SLC4A4: variants seen among roughly 807,000 people sequenced by gnomAD.
SLC4A4 encodes the protein solute carrier family 4 member 4.
SLC4A4 carries 27 observed loss-of-function variants against 111.5 expected under a neutral mutation model. That is an observed-to-expected ratio of 0.24 (90% CI 0.18 to 0.33). SLC4A4 has a LOEUF of 0.33. SLC4A4 is among the 10% of genes least tolerant of loss of function. The pLI is 1.00. For missense variants in SLC4A4, 909 were observed against 1,315.5 expected, an observed-to-expected ratio of 0.69 and a Z score of 4.78; for synonymous variants, 443 against 463.4, an observed-to-expected ratio of 0.96 and a Z score of 0.57.
chr4:71,186,860 T>C (rs1745471240), upstream of SLC4A4: 2 of 152,118 alleles, frequency 1.3e-5, no homozygotes, highest in Admixed American at 6.5e-5. Context: ...GCAGTGTTAG[T>C]TACTAGCAGG....
intron 8 of SLC4A4, among the ~76,000 whole-genome samples, 189 bp from the exon 9 acceptor site, chr4:71,447,457 A>G (rs1725339551): frequency 1.3e-5 from 2 of 152,236 alleles, no homozygotes. Flanking sequence ...AATAAACTGA[A>G]CAATGAACTG....
chr4:71,561,989 T>C (rs1737018341), intron 23 of SLC4A4, among the ~76,000 whole-genome samples: 1 of 151,774 alleles, frequency 6.6e-6, no homozygotes, highest in Non-Finnish European at 1.5e-5. Flanking sequence ...ATATCAGCTT[T>C]GGAGAATGTT....
chr4:71,221,376 A>T (rs1327631689), intron 1 of SLC4A4, among the ~76,000 whole-genome samples: 1 of 152,226 alleles, frequency 6.6e-6, no homozygotes, highest in Admixed American at 6.5e-5. Context: ...CTGTTTGTAC[A>T]AACAAGTGGC....
chr4:71,416,886 G>A (rs1210382358), intron 7 of SLC4A4, among the ~76,000 whole-genome samples: 5 of 152,132 alleles, frequency 3.3e-5, no homozygotes, highest in African/African-American at 9.7e-5. Context: ...AGAAATCCCG[G>A]ACAAGGGTAG....
intron 18 of SLC4A4, among the ~76,000 whole-genome samples, chr4:71,537,460 GAGAA>G (rs1256154400): frequency 2.0e-5 from 3 of 150,170 alleles, no homozygotes; most frequent in Non-Finnish European, 3.0e-5. Context: ...TAGAGAGAGA[GAGAA>G]AGAGAGAGAG....
intron 16 of SLC4A4, among the ~76,000 whole-genome samples, chr4:71,528,136 A>T (rs182114567): frequency 6.6e-6 from 1 of 152,212 alleles, no homozygotes; most frequent in African/African-American, 2.4e-5. Flanking sequence ...TTGAAAAATT[A>T]TATTGGATAA....
At chr4:71,193,764 T>C (rs769806782) in intron 1 of SLC4A4, among the ~76,000 whole-genome samples, 1 of 152,210 alleles carries the variant, frequency 6.6e-6, no homozygotes, top group African/African-American at 2.4e-5. Context: ...GCTCCTGAAG[T>C]TTTTATCCAG....
At chr4:71,549,131 C>A (rs898776317) in intron 20 of SLC4A4, among the ~76,000 whole-genome samples, 1 of 151,804 alleles carries the variant, frequency 6.6e-6, no homozygotes, top group Non-Finnish European at 1.5e-5. Flanking sequence ...GAGTACAGAG[C>A]TTATGTTCTG....
At chr4:71,419,728 C>T (rs186608488) in intron 7 of SLC4A4, among the ~76,000 whole-genome samples, 10 of 152,324 alleles carry the variant, frequency 6.6e-5, no homozygotes, top group African/African-American at 2.4e-4. Context: ...ATCTGGCACT[C>T]CCTAGTGAGA....
chr4:71,129,589 A>G (rs1743647490), intron 2 of SLC4A4, among the ~76,000 whole-genome samples: 1 of 152,164 alleles, frequency 6.6e-6, no homozygotes, highest in South Asian at 2.1e-4. Context: ...TGGCATTACC[A>G]TTCGACCCAG....
At chr4:71,320,028 A>G (rs1186190015) in intron 3 of SLC4A4, among the ~76,000 whole-genome samples, 1 of 152,110 alleles carries the variant, frequency 6.6e-6, no homozygotes, top group African/African-American at 2.4e-5. Flanking sequence ...CTGAGGATAT[A>G]GGAATCAGCT....
At chr4:71,174,184 C>A (rs1486935096) in intron 2 of SLC4A4, among the ~76,000 whole-genome samples, 2 of 151,536 alleles carry the variant, frequency 1.3e-5, no homozygotes, top group African/African-American at 2.4e-5. Context: ...CTAGCCACAT[C>A]TCTTAAAATT....
intron 2 of SLC4A4, among the ~76,000 whole-genome samples, chr4:71,125,892 T>TAA (rs1743549118): frequency 2.6e-5 from 4 of 152,216 alleles, no homozygotes; most frequent in Non-Finnish European, 5.9e-5. Flanking sequence ...ATCACTCATT[T>TAA]TAAGAAGCAG....
intron 6 of SLC4A4, among the ~76,000 whole-genome samples, chr4:71,385,189 A>ATTTTTTTTTTTTTTTTTTTT (rs1194914064): frequency 6.7e-5 from 1 of 15,000 alleles, no homozygotes; most frequent in Admixed American, 1.1e-3. Flanking sequence ...ATATATATAT[A>ATTTTTTTTTTTTTTTTTTTT]TATTTTTTTT....
chr4:71,293,136 C>T lies in SLC4A4; in HGVS notation c.253+37737C>T, dbSNP rs543725029. Among the ~76,000 whole-genome samples, 33 of 151,416 alleles carry T rather than the reference C, an allele frequency of 2.2e-4. No individual in the cohort carries two copies. In the South Asian group the frequency reaches 5.9e-3, roughly 27 times the overall value. On this transcript the variant is annotated intron_variant, in intron 3 of 25. Transcript: ENST00000264485. Reference sequence around the variant, plus strand: ...GATTACAGGCGTGAGCCACCGCACCCGGCCTCAATTTTGTTTTTAAGATTT... The same window carrying T: ...GATTACAGGCGTGAGCCACCGCACCTGGCCTCAATTTTGTTTTTAAGATTT...
At chr4:71,358,275 A>G (rs1283940463) in intron 6 of SLC4A4, among the ~76,000 whole-genome samples, 1 of 151,570 alleles carries the variant, frequency 6.6e-6, no homozygotes, top group African/African-American at 2.4e-5. Flanking sequence ...AGATCACGCC[A>G]CTGCACTCCA....
intron 15 of SLC4A4, among the ~76,000 whole-genome samples, chr4:71,495,742 G>T (rs1730342446): frequency 6.6e-6 from 1 of 152,034 alleles, no homozygotes; most frequent in Non-Finnish European, 1.5e-5. Flanking sequence ...GTCTTCAAAG[G>T]ACAGGAGAAA....
In SLC4A4 at chr4:71,433,118, C is replaced by T. The variant is rs552294288; in HGVS notation, c.808-7498C>T. Among the ~76,000 whole-genome samples, 11 of 152,156 alleles carry T rather than the reference C, an allele frequency of 7.2e-5. No individual in the cohort carries two copies. The South Asian group carries it at 2.1e-3, about 29-fold the overall frequency. ...GTGACTGTGTTAAGCAGCCTTCATT[C>T]TCCAAGAAAACCACTTTGTGCCTTC... On this transcript the variant is annotated intron_variant, in intron 7 of 25. Transcript: ENST00000264485.
At chr4:71,157,199 A>G (rs1443399100) in intron 2 of SLC4A4, among the ~76,000 whole-genome samples, 1 of 152,216 alleles carries the variant, frequency 6.6e-6, no homozygotes, top group Non-Finnish European at 1.5e-5. Context: ...AGTGTGCGTC[A>G]CTATCAAAGA....
Sources: gnomAD v4.1 joint callset for allele counts (sites outside exome capture counted in the v4.1 genomes callset) on GRCh38, gnomAD v4.1.1 for gene constraint, MANE v1.5 for transcripts, NCBI Gene and HGNC (gene_info 2026-07-23, HGNC 2026-07-21) for gene names.